The following SGCD variants were observed in gnomAD, a reference collection of about 807,000 sequenced individuals.
The protein encoded by SGCD is sarcoglycan delta.
In SGCD, 18 loss-of-function variants were observed where a neutral mutation model predicts 36.6. The observed-to-expected ratio is 0.49, with a 90% CI of 0.34 to 0.73. SGCD has a LOEUF of 0.73. Ranked by LOEUF, SGCD falls within the 30% of genes least tolerant of loss-of-function variation. SGCD has a pLI of 0.01. For synonymous variants in SGCD, 133 were observed against 130.6 expected (o/e 1.02, Z -0.12); for missense variants, 387 against 346.7 (o/e 1.12, Z -0.92).
intron 1 of SGCD, among the ~76,000 whole-genome samples, chr5:156,088,659 T>C (rs1761161954): frequency 6.6e-6 from 1 of 152,084 alleles, no homozygotes; most frequent in Admixed American, 6.6e-5. Flanking sequence ...ACTGCTATAC[T>C]CGGCTAATTG....
At position 156,141,357 on chromosome 5, in the gene SGCD, A is replaced by G. The variant is rs1762575908; in HGVS notation, c.-44+17338A>G. Among the ~76,000 whole-genome samples, 4 of 152,130 alleles carry G rather than the reference A, an allele frequency of 2.6e-5. No homozygotes were observed. The South Asian group carries it at 8.3e-4, about 32-fold the overall frequency. The stretch of plus-strand genomic sequence containing the variant: ...AAGGTCACCCCAAGACCCCAGAACT[A>G]TGGAGGCACCAAAGTGTGATTTCCC... On this transcript the variant is annotated intron_variant, in intron 3 of 9. Transcript: ENST00000517913.
chr5:156,242,070 A>G (rs1765319333), intron 3 of SGCD, among the ~76,000 whole-genome samples: 1 of 152,162 alleles, frequency 6.6e-6, no homozygotes, highest in South Asian at 2.1e-4. Context: ...AATGTTTATA[A>G]CAGTTTTGTT....
chr5:156,217,702 C>T (rs140844190), intron 3 of SGCD, among the ~76,000 whole-genome samples: 2 of 152,120 alleles, frequency 1.3e-5, no homozygotes, highest in South Asian at 2.1e-4. Context: ...AATTTTTAAT[C>T]AGGCAGGGCA....
At position 156,081,841 on chromosome 5, in the gene SGCD, C is replaced by T. The variant is rs116870371; in HGVS notation, c.-281-36037C>T. ...AATCATACAAATTTATTAATGTGCA[C>T]GGAGGATACAAAAATCACAGAGTGA... On this transcript the variant is annotated intron_variant, in intron 1 of 9. Coordinates refer to the SGCD transcript ENST00000517913. Among the ~76,000 whole-genome samples the T allele has an allele frequency of 2.1e-4, 32 of 152,072 alleles. No individual in the cohort carries two copies. In the East Asian group the frequency reaches 4.3e-3, roughly 20 times the overall value.
chr5:155,903,817 T>A (rs73301350), intron 1 of SGCD, among the ~76,000 whole-genome samples: 238 of 152,312 alleles, frequency 1.6e-3, no homozygotes, highest in African/African-American at 5.3e-3. Context: ...TCAGCTTCAG[T>A]TAAATACCTA....
chr5:155,775,633 A>G, the SGCD span, among the ~76,000 whole-genome samples: 2 of 152,140 alleles, frequency 1.3e-5, no homozygotes, highest in Non-Finnish European at 2.9e-5. Context: ...AAGACAGGCA[A>G]CTATCACTTG....
chr5:155,814,987 A>G, the SGCD span, among the ~76,000 whole-genome samples: 1 of 152,356 alleles, frequency 6.6e-6, no homozygotes, highest in Non-Finnish European at 1.5e-5. Context: ...CTGAGTAAAC[A>G]TTCCACTATC....
the SGCD span, among the ~76,000 whole-genome samples, chr5:155,861,415 C>T: frequency 2.0e-4 from 30 of 152,022 alleles, no homozygotes; most frequent in Non-Finnish European, 3.5e-4. Flanking sequence ...AGAAGTTGCC[C>T]ATCCTGACTG....
At chr5:155,897,241 A>C (rs1756284929) in intron 1 of SGCD, among the ~76,000 whole-genome samples, 1 of 152,192 alleles carries the variant, frequency 6.6e-6, no homozygotes, top group Admixed American at 6.5e-5. Context: ...AGCAACTATA[A>C]TACAATGGGA....
chr5:156,069,291 A>G (rs927458499), intron 1 of SGCD, among the ~76,000 whole-genome samples: 5 of 152,056 alleles, frequency 3.3e-5, no homozygotes, highest in African/African-American at 1.2e-4. Flanking sequence ...ATCTTGAATT[A>G]ATTTTTGTAT....
chr5:156,096,695 T>C (rs777955134), intron 1 of SGCD, among the ~76,000 whole-genome samples: 8 of 152,166 alleles, frequency 5.3e-5, no homozygotes, highest in Non-Finnish European at 1.2e-4. Context: ...AAGGGAAACA[T>C]TGTGCCTGGT....
At chr5:156,261,765 G>A (rs1477942172) in intron 3 of SGCD, among the ~76,000 whole-genome samples, 2 of 152,174 alleles carry the variant, frequency 1.3e-5, no homozygotes, top group African/African-American at 4.8e-5. Context: ...GATAAGATGT[G>A]GAGGTCAAAG....
chr5:156,463,137 GGTTTGTTTGTTT>G (rs144573276), intron 3 of SGCD, among the ~76,000 whole-genome samples: 4 of 151,786 alleles, frequency 2.6e-5, no homozygotes, highest in African/African-American at 4.8e-5. Context: ...TTGTTTTTTT[GGTTTGTTTGTTT>G]GTTTGTTTGT....
chr5:156,504,828 A>AAAG (rs961112609), intron 3 of SGCD, among the ~76,000 whole-genome samples: 6 of 152,234 alleles, frequency 3.9e-5, no homozygotes, highest in African/African-American at 1.4e-4. Context: ...TAGTGTAAGA[A>AAAG]AAGAAGGAGT....
chr5:156,017,466 T>G (rs995114168), intron 1 of SGCD, among the ~76,000 whole-genome samples: 1 of 151,692 alleles, frequency 6.6e-6, no homozygotes, highest in African/African-American at 2.4e-5. Flanking sequence ...TTGTATAGTT[T>G]CATTTTTTTT....
intron 7 of SGCD, among the ~76,000 whole-genome samples, chr5:156,744,128 G>A (rs1162605785): frequency 6.6e-6 from 1 of 152,164 alleles, no homozygotes; most frequent in Non-Finnish European, 1.5e-5. Flanking sequence ...CAAAACCAGG[G>A]CAACATAGTG....
chr5:156,347,126 A>C (rs1768993957), intron 3 of SGCD, among the ~76,000 whole-genome samples: 1 of 152,100 alleles, frequency 6.6e-6, no homozygotes, highest in Non-Finnish European at 1.5e-5. Flanking sequence ...AGACAAGCAG[A>C]ATTCAGAGAA....
At chr5:156,697,790 T>A (rs1455869768) in intron 7 of SGCD, among the ~76,000 whole-genome samples, 3 of 151,754 alleles carry the variant, frequency 2.0e-5, no homozygotes, top group Non-Finnish European at 4.4e-5. Context: ...GATGGATGGA[T>A]GGATGAGTGG....
At chr5:156,242,299 A>G (rs1765325026) in intron 3 of SGCD, among the ~76,000 whole-genome samples, 1 of 152,212 alleles carries the variant, frequency 6.6e-6, no homozygotes, top group East Asian at 1.9e-4. Flanking sequence ...TAGAAGCTAG[A>G]GTAGATTAGT....
Sources: allele counts gnomAD v4.1 joint callset (sites outside exome capture counted in the v4.1 genomes callset), GRCh38; gene constraint gnomAD v4.1.1; transcripts MANE v1.5; gene names NCBI Gene and HGNC (gene_info 2026-07-23, HGNC 2026-07-21).